ZNF782: variants seen among roughly 807,000 people sequenced by gnomAD.
ZNF782 encodes zinc finger protein 782.
A neutral mutation model predicts 13.0 loss-of-function variants in ZNF782; 12 were observed. The observed-to-expected ratio is 0.92, with a 90% CI of 0.59 to 1.50. ZNF782 has a LOEUF of 1.50. Ranked by LOEUF, ZNF782 falls within the 40% of genes most tolerant of loss-of-function variation. The pLI is 0.00. For synonymous variants in ZNF782, 284 were observed against 283.0 expected, an observed-to-expected ratio of 1.00 and a Z score of -0.04; for missense variants, 770 against 822.9, an observed-to-expected ratio of 0.94 and a Z score of 0.79.
At chr9:96,924,795 C>T in the ZNF782 span, among the ~76,000 whole-genome samples, 6 of 152,254 alleles carry the variant, frequency 3.9e-5, no homozygotes, top group Admixed American at 6.5e-5. Context: ...AGCAGCACGG[C>T]CGAGACAAAC....
chr9:96,869,560 A>T (rs1005243049), intron 1 of ZNF782, among the ~76,000 whole-genome samples: 1 of 152,202 alleles, frequency 6.6e-6, no homozygotes, highest in Non-Finnish European at 1.5e-5. Flanking sequence ...GTGTGTCTCA[A>T]GTACTGGATG....
chr9:96,896,818 C>T, the ZNF782 span, among the ~76,000 whole-genome samples: 1 of 152,186 alleles, frequency 6.6e-6, no homozygotes, highest in Non-Finnish European at 1.5e-5. Flanking sequence ...GTGTCAGTGG[C>T]AGATAGGGAT....
Position 96,818,938 on chromosome 9 carries a change from C to A in ZNF782, c.1085G>T (p.Arg362Met). 1 of 1,614,146 alleles carries A rather than the reference C, an allele frequency of 6.2e-7. No individual in the cohort carries two copies. Among genetic ancestry groups the A allele is most frequent in the Non-Finnish European group, 8.5e-7 (1 of 1,180,022 alleles). The change falls in exon 6 of 6, where the codon AGG (arginine) becomes ATG (methionine). Residue 362 changes from arginine to methionine, a missense_variant. Coordinates refer to ENST00000481138, the MANE Select transcript of ZNF782 (RefSeq NM_001001662.3). ...TTCATTATACTCATAGGGTTTTGCC[C>A]TTATGTGAACCTTCTGATGTACACT... Reference protein sequence around the residue: ...TFSVHQKVHIRAKPYEYNECG... With the variant: ...TFSVHQKVHIMAKPYEYNECG...
intron 4 of ZNF782, among the ~76,000 whole-genome samples, 183 bp from the exon 5 acceptor site, chr9:96,827,364 A>G (rs184944709): frequency 2.0e-5 from 3 of 151,930 alleles, no homozygotes; most frequent in Middle Eastern, 3.4e-3. Flanking sequence ...CAGGGTCCCT[A>G]TGTCACTCAG....
At chr9:96,933,154 A>AT in the ZNF782 span, among the ~76,000 whole-genome samples, 117 of 134,084 alleles carry the variant, frequency 8.7e-4, no homozygotes, top group Middle Eastern at 0.01. Flanking sequence ...ATTTTTTTGT[A>AT]TTTTTAGTAG....
the ZNF782 span, among the ~76,000 whole-genome samples, chr9:96,925,136 C>A: frequency 1.5e-4 from 23 of 152,230 alleles, no homozygotes; most frequent in African/African-American, 5.3e-4. Context: ...CCACCGGCAA[C>A]CGATGCTGGG....
At chr9:96,821,867 T>C (rs1402003762) in intron 5 of ZNF782, among the ~76,000 whole-genome samples, 1 of 152,174 alleles carries the variant, frequency 6.6e-6, no homozygotes, top group Non-Finnish European at 1.5e-5. Context: ...GGTTTCACCA[T>C]GTTAGCCAGG....
At chr9:96,898,169 G>T in the ZNF782 span, 1 of 149,292 alleles carries the variant, frequency 6.7e-6, no homozygotes, top group Non-Finnish European at 1.5e-5. Flanking sequence ...AATATAAAAT[G>T]AGCCAATTTA....
Position 96,863,661 on chromosome 9 carries a change from C to G in ZNF782, c.-456-2058G>C, listed in dbSNP as rs74933098. On this transcript the variant is annotated intron_variant, in intron 1 of 5. Transcript: ENST00000498811. Reference sequence around the variant, plus strand: ...AAAAGAAAATATAGAATATATGCACCACGGAATACTGCTGAGCCATAAAAT... The same window carrying G: ...AAAAGAAAATATAGAATATATGCACGACGGAATACTGCTGAGCCATAAAAT... Among the ~76,000 whole-genome samples, 793 of 152,192 alleles carry G rather than the reference C, an allele frequency of 5.2e-3. 37 individuals are homozygous for G. In the East Asian group the frequency reaches 0.099, roughly 19 times the overall value.
chr9:96,836,603 T>C (rs1281494706), intron 4 of ZNF782, among the ~76,000 whole-genome samples: 1 of 152,162 alleles, frequency 6.6e-6, no homozygotes, highest in East Asian at 1.9e-4. Context: ...TGGAATATTA[T>C]ATTTTGTATA....
intron 1 of ZNF782, among the ~76,000 whole-genome samples, chr9:96,868,297 C>T (rs75871451): frequency 0.011 from 1,608 of 152,298 alleles, 7 homozygotes; most frequent in Non-Finnish European, 0.018. Context: ...ATTTTGTAGT[C>T]TACTGGAGTT....
At chr9:96,932,019 C>T in the ZNF782 span, 2 of 1,609,554 alleles carry the variant, frequency 1.2e-6, no homozygotes, top group South Asian at 2.2e-5. Flanking sequence ...CTAACTCAGG[C>T]CCCCCTCGTC....
the ZNF782 span, among the ~76,000 whole-genome samples, chr9:96,886,257 A>G: frequency 3.3e-5 from 5 of 152,210 alleles, no homozygotes; most frequent in South Asian, 1.0e-3. Flanking sequence ...CATCCAGTGA[A>G]AATATCCTTT....
rs1441630793 is a variant in ZNF782 at position 96,839,458 on chromosome 9, GCTGTACTTAAAGGGAGGAA to G, written c.142+5413_142+5431del. Among the ~76,000 whole-genome samples, 4 of 151,996 alleles carry G rather than the reference GCTGTACTTAAAGGGAGGAA, an allele frequency of 2.6e-5. No homozygotes were observed. The East Asian group carries it at 7.7e-4, about 29-fold the overall frequency. ...TTGTATATAATGTCTAGTGGTTTTAGCTGTACTTAAAGGGAGGAACAGGAAGAAGTATCTGTAATCAATC... is the reference window on the plus strand; with the variant it reads ...TTGTATATAATGTCTAGTGGTTTTAGCAGGAAGAAGTATCTGTAATCAATC... On this transcript the variant is annotated intron_variant, in intron 4 of 5. Transcript: ENST00000481138.
chr9:96,877,394 G>A (rs1283020640), upstream of ZNF782, among the ~76,000 whole-genome samples: 1 of 152,204 alleles, frequency 6.6e-6, no homozygotes, highest in Non-Finnish European at 1.5e-5. Context: ...GAATCTTGGC[G>A]GGGCACCCAG....
chr9:96,914,446 G>A, the ZNF782 span, among the ~76,000 whole-genome samples: 6 of 152,024 alleles, frequency 3.9e-5, no homozygotes, highest in African/African-American at 9.6e-5. Flanking sequence ...ATTGAAATCC[G>A]CACATAATTT....
At chr9:96,916,969 TG>T in the ZNF782 span, among the ~76,000 whole-genome samples, 1 of 88,926 alleles carries the variant, frequency 1.1e-5, no homozygotes, top group African/African-American at 4.4e-5. Flanking sequence ...AGGCCCCACC[TG>T]TGCCCCTTCC....
the ZNF782 span, among the ~76,000 whole-genome samples, chr9:96,907,929 C>A: frequency 3.3e-5 from 5 of 151,940 alleles, 1 homozygote; most frequent in African/African-American, 1.2e-4. Context: ...GTGTGAGCCA[C>A]CGTGCCCGGC....
chr9:96,858,995 T>A (rs1851675065), upstream of ZNF782, among the ~76,000 whole-genome samples: 1 of 149,946 alleles, frequency 6.7e-6, no homozygotes, highest in Non-Finnish European at 1.5e-5. The surrounding 1 kb of genome is among the most constrained non-coding windows in gnomAD (Gnocchi z 4.4). Context: ...TTTACACTAG[T>A]GCCCACCCAC....
Sources: gnomAD v4.1 joint callset for allele counts (sites outside exome capture counted in the v4.1 genomes callset) on GRCh38, gnomAD v4.1.1 for gene constraint, Gnocchi (gnomAD v3.1) non-coding constraint, MANE v1.5 for transcripts, NCBI Gene and HGNC (gene_info 2026-07-23, HGNC 2026-07-21) for gene names.